The following UBE2Q1 variants were observed in gnomAD, a reference collection of about 807,000 sequenced individuals.
UBE2Q1 encodes ubiquitin-conjugating enzyme E2 Q1.
A neutral mutation model predicts 60.1 loss-of-function variants in UBE2Q1; 6 were observed. The observed-to-expected ratio is 0.10, with a 90% CI of 0.05 to 0.20. UBE2Q1 has a LOEUF of 0.20. UBE2Q1 is among the 10% of genes least tolerant of loss of function. The probability of loss-of-function intolerance (pLI) is 1.00; values close to 1 mark genes in which losing one functional copy is unlikely to be tolerated. For missense variants in UBE2Q1, 262 were observed against 525.8 expected, an observed-to-expected ratio of 0.50 and a Z score of 4.91; for synonymous variants, 226 against 208.3, an observed-to-expected ratio of 1.09 and a Z score of -0.73.
intron 12 of UBE2Q1, 185 bp downstream of exon 12, chr1:154,550,753 T>C: frequency 1.0e-6 from 1 of 985,360 alleles, no homozygotes; most frequent in Non-Finnish European, 1.2e-6. Context: ...CATTTTGGTG[T>C]GTTTCTGGAA....
At chr1:154,554,604 G>A (rs1293474682) in intron 4 of UBE2Q1, 131 bp downstream of exon 4, 3 of 950,536 alleles carry the variant, frequency 3.2e-6, no homozygotes, top group Admixed American at 4.8e-5. Flanking sequence ...TATTCCTCCA[G>A]GTCAGTAAAT....
intron 1 of UBE2Q1, among the ~76,000 whole-genome samples, chr1:154,556,881 C>T (rs1460236863): frequency 6.6e-6 from 1 of 152,166 alleles, no homozygotes; most frequent in Non-Finnish European, 1.5e-5. Flanking sequence ...AAAATTAACT[C>T]GAGGTTCCCA....
At chr1:154,550,715 G>A (rs1022337174) in intron 12 of UBE2Q1, 27 of 985,374 alleles carry the variant, frequency 2.7e-5, no homozygotes, top group Non-Finnish European at 3.1e-5. Context: ...CAAGAAGGGG[G>A]TAGCACCAAG....
At position 154,558,295 on chromosome 1, in the gene UBE2Q1, G is replaced by C; in HGVS notation, c.259C>G (p.Pro87Ala). 6.3e-7 allele frequency: 1 copy of C among 1,583,518 alleles called. No homozygotes were observed. The highest frequency in any genetic ancestry group is 8.6e-7 in the Non-Finnish European group (1 of 1,168,160). Residue 87 changes from proline (P) to alanine (A), a missense_variant, in exon 1 of 13, where the codon CCC (proline) becomes GCC (alanine). By Grantham distance (27) the Pro-to-Ala change is conservative. Transcript: ENST00000292211. Reference sequence around the variant, plus strand: ...CCCCGTGGGGGGAGATGCGGTCCGGGCGCGGCCCCCGCCCCGGCCCCTCCG... The same window carrying C: ...CCCCGTGGGGGGAGATGCGGTCCGGCCGCGGCCCCCGCCCCGGCCCCTCCG... ...GAGGAGAGAA[P>A]GPHLPPRGSV...
chr1:154,555,473 C>A lies in UBE2Q1; in HGVS notation c.492G>T (p.Gln164His). The A allele has an allele frequency of 6.2e-7, 1 of 1,614,178 alleles. No homozygotes were observed. The highest frequency in any genetic ancestry group is 8.5e-7 in the Non-Finnish European group (1 of 1,180,044). ...GATCCAGCATCTCCACATCTGGATG[C>A]TGAGGGAGGTTATAGAGTTTACACA... is the stretch of plus-strand genomic sequence containing the variant. Reference protein sequence around the residue: ...SDLCKLYNLPQHPDVEMLDQP... With the variant: ...SDLCKLYNLPHHPDVEMLDQP... The change falls in exon 3 of 13, where the codon CAG becomes CAT. Residue 164 changes from glutamine (Q) to histidine (H), a missense_variant. This residue lies in a region of UBE2Q1 where 111 missense variants were observed against 266.8 expected (regional missense o/e 0.42). Transcript: ENST00000292211.
At position 154,550,735 on chromosome 1, in the gene UBE2Q1, G is replaced by C. The variant is rs545461168; in HGVS notation, c.1237+203C>G. ...AGGGGGTAGCACCAAGTTTATCGGT[G>C]ATACGATCATTTTGGTGTGTTTCTG... is the stretch of plus-strand genomic sequence containing the variant. On this transcript the variant is annotated intron_variant, in intron 12 of 12. Transcript: ENST00000292211. 4.1e-6 allele frequency: 4 copies of C among 985,396 alleles called. No individual in the cohort carries two copies. In the African/African-American group the frequency reaches 7.0e-5, roughly 17 times the overall value. 61.0% of individuals were successfully genotyped at this position (985,396 alleles called of 1,614,324 possible). A position where few individuals can be genotyped will look rare whatever the true frequency, so the allele number is the denominator to read the frequency against.
chr1:154,550,543 ACGT>A, intron 12 of UBE2Q1, 74 bp from the exon 13 acceptor site: 1 of 1,605,266 alleles, frequency 6.2e-7, no homozygotes, highest in African/African-American at 1.3e-5. Flanking sequence ...ATCCCTGAAG[ACGT>A]CTCCAGTGGC....
chr1:154,558,121 G>GA, intron 1 of UBE2Q1, 106 bp downstream of exon 1: 1 of 899,334 alleles, frequency 1.1e-6, no homozygotes, highest in Non-Finnish European at 1.6e-6. Context: ...TGAGCCCTGA[G>GA]AGGGGCTTCG....
chr1:154,558,620 G>T lies in UBE2Q1; in HGVS notation c.-67C>A, dbSNP rs1695938844. The T allele has an allele frequency of 1.6e-5, 10 of 643,030 alleles. No individual in the cohort carries two copies. The South Asian group carries it at 5.8e-4, about 38-fold the overall frequency. The allele number at this position is 643,030 out of a possible 1,614,324, so 39.8% of individuals were successfully genotyped here. A position where few individuals can be genotyped will look rare whatever the true frequency, so the allele number is the denominator to read the frequency against. ...TCCGGCCTGCGCTCCGGGCTCCGCCGCCGCCGCCGCCGCCGCCGCCGCCGC... is the reference window on the plus strand; with the variant it reads ...TCCGGCCTGCGCTCCGGGCTCCGCCTCCGCCGCCGCCGCCGCCGCCGCCGC... On this transcript the variant is annotated 5_prime_UTR_variant, in exon 1 of 13. Coordinates refer to ENST00000292211, the MANE Select transcript of UBE2Q1 (RefSeq NM_017582.7).
chr1:154,558,312 GC>G lies in UBE2Q1; in HGVS notation c.241del (p.Ala81ProfsTer58). On this transcript the variant is annotated frameshift_variant, in exon 1 of 13. Coordinates refer to ENST00000292211, the MANE Select transcript of UBE2Q1 (RefSeq NM_017582.7). LOFTEE classifies it high-confidence loss of function. ...CGGTCCGGGCGCGGCCCCCGCCCCG[GC>G]CCCTCCGGCCCCAGCCAGCAGGAAC... ...CEFLLAGAGGAGAGAAPGPHL... is the reference protein window; with the variant it reads ...CEFLLAGAGGXGAGAAPGPHL... 6.3e-7 allele frequency: 1 copy of G among 1,578,456 alleles called. No individual in the cohort carries two copies. Among genetic ancestry groups the G allele is most frequent in the Non-Finnish European group, 8.6e-7 (1 of 1,165,930 alleles).
intron 1 of UBE2Q1, among the ~76,000 whole-genome samples, chr1:154,557,708 T>C (rs1237329876): frequency 1.3e-5 from 2 of 151,834 alleles, no homozygotes; most frequent in African/African-American, 4.8e-5. Flanking sequence ...TATCACTTGG[T>C]GAAGTTGAGA....
rs780584484 is a variant in UBE2Q1 at position 154,550,403 on chromosome 1, G to A, written c.*35C>T. The A allele has an allele frequency of 6.2e-7, 1 of 1,613,948 alleles. No homozygotes were observed. Among genetic ancestry groups the A allele is most frequent in the South Asian group, 1.1e-5 (1 of 91,064 alleles). ...GCATTCAAAGGTAATTGGTCCAGTGGTGCCTGGGGAGGGAGGAAGGGTGAT... is the reference window on the plus strand; with the variant it reads ...GCATTCAAAGGTAATTGGTCCAGTGATGCCTGGGGAGGGAGGAAGGGTGAT... On this transcript the variant is annotated 3_prime_UTR_variant, in exon 13 of 13. Transcript: ENST00000292211.
At chr1:154,551,301 G>A (rs1695787666) in intron 11 of UBE2Q1, 96 bp downstream of exon 11, 1 of 1,328,390 alleles carries the variant, frequency 7.5e-7, no homozygotes, top group Non-Finnish European at 1.1e-6. Context: ...GGGGCCTTAT[G>A]CTCATTCCTC....
intron 11 of UBE2Q1, 25 bp downstream of exon 11, chr1:154,551,372 C>G: frequency 6.2e-7 from 1 of 1,612,302 alleles, no homozygotes; most frequent in Non-Finnish European, 8.5e-7. Flanking sequence ...CCCAGCCCCA[C>G]CAGCCCCAGG....
chr1:154,553,022 A>G lies in UBE2Q1; in HGVS notation c.729+10T>C. ...ACCCCTTCACCAGCCTCTCTCTAGA[A>G]GGCACGTACATTTAAGTAATCTTGC... On this transcript the variant is annotated intron_variant, in intron 5 of 12. Coordinates refer to ENST00000292211, the MANE Select transcript of UBE2Q1 (RefSeq NM_017582.7). 2 of 1,613,750 alleles carry G rather than the reference A, an allele frequency of 1.2e-6. No individual in the cohort carries two copies. Among genetic ancestry groups the G allele is most frequent in the Non-Finnish European group, 1.7e-6 (2 of 1,179,930 alleles).
In UBE2Q1 at chr1:154,550,427, A is replaced by T. The variant is rs1368143781; in HGVS notation, c.*11T>A. On this transcript the variant is annotated 3_prime_UTR_variant, in exon 13 of 13. Transcript: ENST00000292211. The stretch of plus-strand genomic sequence containing the variant: ...GGTGCCTGGGGAGGGAGGAAGGGTG[A>T]TACTCCAGGGTTAGCCGTCTTCTTT... 3 of 1,614,086 alleles carry T rather than the reference A, an allele frequency of 1.9e-6. No homozygotes were observed. The highest frequency in any genetic ancestry group is 2.2e-5 in the South Asian group (2 of 91,072).
In UBE2Q1 at chr1:154,558,592, G is replaced by A. The variant is rs1695936849; in HGVS notation, c.-39C>T. 1.5e-5 allele frequency: 15 copies of A among 1,009,612 alleles called. No homozygotes were observed. Among genetic ancestry groups the A allele is most frequent in the Non-Finnish European group, 1.8e-5 (15 of 851,142 alleles). The allele number at this position is 1,009,612 out of a possible 1,614,324, so 62.5% of individuals were successfully genotyped here. On this transcript the variant is annotated 5_prime_UTR_variant, in exon 1 of 13. Coordinates refer to ENST00000292211, the MANE Select transcript of UBE2Q1 (RefSeq NM_017582.7). ...CCGCTCCGGGGCCGGCGGGCCGGGA[G>A]CCTCCGGCCTGCGCTCCGGGCTCCG...
rs760690764 is a variant in UBE2Q1, at chr1:154,552,511, G to A, written c.815-47C>T. On this transcript the variant is annotated intron_variant, in intron 6 of 12. Coordinates refer to ENST00000292211, the MANE Select transcript of UBE2Q1 (RefSeq NM_017582.7). The stretch of plus-strand genomic sequence containing the variant: ...GTGTTAGTAGAATGGTCCAGGTGGT[G>A]AGTGGTCTCTAATGCAGACCCCTTT... 9.3e-6 allele frequency: 15 copies of A among 1,608,382 alleles called. No individual in the cohort carries two copies. In the Admixed American group the frequency reaches 1.2e-4, roughly 13 times the overall value.
At position 154,549,709 on chromosome 1, in the gene UBE2Q1, C is replaced by G. The variant is rs1187180201; in HGVS notation, c.*729G>C. On this transcript the variant is annotated 3_prime_UTR_variant, in exon 13 of 13. Coordinates refer to ENST00000292211, the MANE Select transcript of UBE2Q1 (RefSeq NM_017582.7). Reference sequence around the variant, plus strand: ...CTAGAAAAGTAGTCCTAAGAATTAACACCATCGTTTCAGCCTACCACATTG... The same window carrying G: ...CTAGAAAAGTAGTCCTAAGAATTAAGACCATCGTTTCAGCCTACCACATTG... 1 of 152,658 alleles carries G rather than the reference C, an allele frequency of 6.6e-6. No homozygotes were observed. Among genetic ancestry groups the G allele is most frequent in the Non-Finnish European group, 1.5e-5 (1 of 68,046 alleles). 9.5% of individuals were successfully genotyped at this position (152,658 alleles called of 1,614,324 possible).
Sources: allele counts gnomAD v4.1 joint callset (sites outside exome capture counted in the v4.1 genomes callset), GRCh38; gene constraint gnomAD v4.1.1; regional missense constraint gnomAD v4.1.1; transcripts MANE v1.5; gene names NCBI Gene and HGNC (gene_info 2026-07-23, HGNC 2026-07-21).